NOLC1: variants seen among roughly 807,000 people sequenced by gnomAD.
NOLC1 encodes the protein nucleolar and coiled-body phosphoprotein 1, also known as 140 kDa nucleolar phosphoprotein.
NOLC1 carries 37 observed loss-of-function variants against 73.4 expected under a neutral mutation model. The observed-to-expected ratio is 0.50, with a 90% CI of 0.39 to 0.66. The LOEUF is 0.66. NOLC1 is among the 30% of genes least tolerant of loss of function. The pLI, the probability that NOLC1 is intolerant of heterozygous loss-of-function variation, is 0.00. For synonymous variants in NOLC1, 327 were observed against 302.6 expected, an observed-to-expected ratio of 1.08 and a Z score of -0.84; for missense variants, 921 against 838.9, an observed-to-expected ratio of 1.10 and a Z score of -1.21.
rs1564971077 is a variant in NOLC1 at position 102,160,229 on chromosome 10, T to G, written c.989-4T>G. On this transcript the variant is annotated splice_region_variant and splice_polypyrimidine_tract_variant and intron_variant, in intron 8 of 12. Coordinates refer to ENST00000605788, the MANE Select transcript of NOLC1 (RefSeq NM_004741.5). ...CCCAGCATAATGCTACAGGTTCTCCTCAGATTCAAGTTCTGAAGAAGAGAA... is the reference window on the plus strand; with the variant it reads ...CCCAGCATAATGCTACAGGTTCTCCGCAGATTCAAGTTCTGAAGAAGAGAA... The G allele has an allele frequency of 6.2e-7, 1 of 1,613,574 alleles. No homozygotes were observed. Among genetic ancestry groups the G allele is most frequent in the Non-Finnish European group, 8.5e-7 (1 of 1,179,494 alleles).
intron 4 of NOLC1, 34 bp downstream of exon 4, chr10:102,157,589 G>A (rs760372465): frequency 2.4e-5 from 39 of 1,601,308 alleles, no homozygotes; most frequent in Admixed American, 1.2e-4. Flanking sequence ...GGGGTTTAAG[G>A]ATTAGAAAGG....
chr10:102,161,571 G>A lies in NOLC1; in HGVS notation c.1757G>A (p.Arg586Gln), dbSNP rs776908349. ...VVSKSGSLKK[R>Q]KQNEAAKEAE... is the part of the protein sequence containing the mutation. The stretch of plus-strand genomic sequence containing the variant: ...TGTTTTGTAGGTTCATTAAAGAAGC[G>A]GAAGCAGAATGAGGCTGCCAAGGAG... Residue 586 changes from arginine (R) to glutamine (Q), a missense_variant, in exon 11 of 13, where the codon CGG (arginine) becomes CAG (glutamine). Coordinates refer to ENST00000605788, the MANE Select transcript of NOLC1 (RefSeq NM_004741.5). The A allele has an allele frequency of 2.4e-5, 38 of 1,613,600 alleles. No homozygotes were observed. Among genetic ancestry groups the A allele is most frequent in the Non-Finnish European group, 3.0e-5 (35 of 1,179,762 alleles).
In NOLC1 at chr10:102,162,105, T is replaced by TA; in HGVS notation, c.1942-5dup. Reference sequence around the variant, plus strand: ...CTCTGTGTTAATCTCCCTCTCTACTTACCAGCGAGGTGCAGCCGGAGACTG... The same window carrying TA: ...CTCTGTGTTAATCTCCCTCTCTACTTAACCAGCGAGGTGCAGCCGGAGACTG... On this transcript the variant is annotated splice_region_variant and splice_polypyrimidine_tract_variant and intron_variant, in intron 12 of 12. Coordinates refer to ENST00000605788, the MANE Select transcript of NOLC1 (RefSeq NM_004741.5). The TA allele has an allele frequency of 6.2e-7, 1 of 1,613,408 alleles. No homozygotes were observed. Among genetic ancestry groups the TA allele is most frequent in the Non-Finnish European group, 8.5e-7 (1 of 1,179,844 alleles).
At chr10:102,155,354 G>A (rs1385236858) in intron 1 of NOLC1, among the ~76,000 whole-genome samples, 2 of 151,248 alleles carry the variant, frequency 1.3e-5, no homozygotes, top group Non-Finnish European at 2.9e-5. Flanking sequence ...AATCCAACCT[G>A]GGCGACCAAG....
chr10:102,160,265 A>G lies in NOLC1; in HGVS notation c.1021A>G (p.Thr341Ala), dbSNP rs778467910. ...TTCTGAAGAAGAGAAGAAACCCCCA[A>G]CTAAGGCAGTAGTCTCTAAAGCAAC... ...SSSEEEKKPP[T>A]KAVVSKATTK... Residue 341 changes from threonine to alanine, a missense_variant, in exon 9 of 13, where the codon ACT (threonine) becomes GCT (alanine). Physicochemically the swap from Thr to Ala is moderately conservative, Grantham distance 58. Transcript: ENST00000605788. 6.2e-7 allele frequency: 1 copy of G among 1,614,172 alleles called. No homozygotes were observed. The highest frequency in any genetic ancestry group is 1.1e-5 in the South Asian group (1 of 91,086).
chr10:102,160,018 G>A lies in NOLC1; in HGVS notation c.982G>A (p.Glu328Lys), dbSNP rs1199510959. Reference protein sequence around the residue: ...PVESSEDSSDESDSSSEEEKK... With the variant: ...PVESSEDSSDKSDSSSEEEKK... The stretch of plus-strand genomic sequence containing the variant: ...GGAAAGCAGTGAAGACAGCAGTGAT[G>A]AGTCTGGTGAGTCAGAGGGATGCAG... The change falls in exon 8 of 13, where the codon GAG becomes AAG. Residue 328 changes from glutamate to lysine, a missense_variant. Transcript: ENST00000605788. 6.2e-7 allele frequency: 1 copy of A among 1,612,626 alleles called. No homozygotes were observed. Among genetic ancestry groups the A allele is most frequent in the South Asian group, 1.1e-5 (1 of 90,766 alleles).
intron 3 of NOLC1, 26 bp downstream of exon 3, chr10:102,157,354 G>C (rs771426415): frequency 6.2e-7 from 1 of 1,613,436 alleles, no homozygotes; most frequent in Admixed American, 1.7e-5. Flanking sequence ...AGGTGGGCTT[G>C]GTGGTGCCAG....
Position 102,157,244 on chromosome 10 carries a change from G to T in NOLC1, c.232G>T (p.Ala78Ser). The T allele has an allele frequency of 6.2e-7, 1 of 1,614,200 alleles. No homozygotes were observed. The highest frequency in any genetic ancestry group is 1.1e-5 in the South Asian group (1 of 91,082). Reference sequence around the variant, plus strand: ...GGCAAATGGACCAGTGGCTAAGAAAGCTAAGAAGAAGGCCTCATCCAGTGA... The same window carrying T: ...GGCAAATGGACCAGTGGCTAAGAAATCTAAGAAGAAGGCCTCATCCAGTGA... ...LQANGPVAKK[A>S]KKKASSSDSE... Residue 78 changes from alanine to serine, a missense_variant, in exon 3 of 13, where the codon GCT (alanine) becomes TCT (serine). Coordinates refer to ENST00000605788, the MANE Select transcript of NOLC1 (RefSeq NM_004741.5).
chr10:102,162,952 G>A lies in NOLC1; in HGVS notation c.*683G>A, dbSNP rs956154462. The A allele has an allele frequency of 9.9e-5, 15 of 152,176 alleles. No homozygotes were observed. Among genetic ancestry groups the A allele is most frequent in the African/African-American group, 3.6e-4 (15 of 41,460 alleles). 9.4% of individuals were successfully genotyped at this position (152,176 alleles called of 1,614,324 possible). A position where few individuals can be genotyped will look rare whatever the true frequency, so the allele number is the denominator to read the frequency against. ...TGGCGTGAATGCCATGGGTCATTCT[G>A]AATATATTTTTTTCTGTAATTTTAT... On this transcript the variant is annotated 3_prime_UTR_variant, in exon 13 of 13. Coordinates refer to ENST00000605788, the MANE Select transcript of NOLC1 (RefSeq NM_004741.5).
At chr10:102,154,915 A>G (rs1481737189) in intron 1 of NOLC1, among the ~76,000 whole-genome samples, 1 of 151,350 alleles carries the variant, frequency 6.6e-6, no homozygotes, top group Non-Finnish European at 1.5e-5. Flanking sequence ...GAGTAAAGTG[A>G]TGCAATCATA....
At chr10:102,162,001 G>C in intron 12 of NOLC1, 76 bp downstream of exon 12, 1 of 1,602,650 alleles carries the variant, frequency 6.2e-7, no homozygotes, top group Non-Finnish European at 8.5e-7. Context: ...GTTCAGGTTG[G>C]TGGGAATCTT....
In NOLC1 at chr10:102,159,328, T is replaced by C; in HGVS notation, c.723+20T>C. On this transcript the variant is annotated intron_variant, in intron 6 of 12. Coordinates refer to ENST00000605788, the MANE Select transcript of NOLC1 (RefSeq NM_004741.5). ...AAGAAGGTCTGGACCATAACTTCTG[T>C]CAGGGCAGAGGTGACCAGGGTGTGA... 1.9e-6 allele frequency: 3 copies of C among 1,614,024 alleles called. No individual in the cohort carries two copies. In the South Asian group the frequency reaches 3.3e-5, roughly 18 times the overall value.
intron 1 of NOLC1, among the ~76,000 whole-genome samples, chr10:102,155,214 G>A (rs193024014): frequency 3.3e-5 from 5 of 151,440 alleles, no homozygotes; most frequent in African/African-American, 7.3e-5. Context: ...TAGTAGAGAC[G>A]GGGTTTCTCC....
chr10:102,161,793 G>T lies in NOLC1; in HGVS notation c.1849-40G>T. 1.9e-6 allele frequency: 3 copies of T among 1,593,426 alleles called. No individual in the cohort carries two copies. The South Asian group carries it at 3.3e-5, about 18-fold the overall frequency. ...GTATCACTCAGGAGAACTGTTACAT[G>T]ACCACTCTGTCTTTAATTTCCTACT... On this transcript the variant is annotated intron_variant, in intron 11 of 12. Transcript: ENST00000605788.
Position 102,161,855 on chromosome 10 carries a change from C to T in NOLC1, c.1871C>T (p.Pro624Leu). 4 of 1,614,134 alleles carry T rather than the reference C, an allele frequency of 2.5e-6. No homozygotes were observed. Among genetic ancestry groups the T allele is most frequent in the Non-Finnish European group, 3.4e-6 (4 of 1,179,998 alleles). The change falls in exon 12 of 13, where the codon CCA (proline) becomes CTA (leucine). Residue 624 changes from proline (P) to leucine (L), a missense_variant. Coordinates refer to ENST00000605788, the MANE Select transcript of NOLC1 (RefSeq NM_004741.5). Reference protein sequence around the residue: ...RKKGEKRASSPFRRVREEEIE... With the variant: ...RKKGEKRASSLFRRVREEEIE... ...TAGGGAGAAAAAAGGGCATCATCCC[C>T]ATTCCGAAGGGTCAGGGAGGAGGAA...
chr10:102,154,910 A>G (rs997600934), intron 1 of NOLC1, among the ~76,000 whole-genome samples: 2 of 151,514 alleles, frequency 1.3e-5, no homozygotes, highest in African/African-American at 4.9e-5. Context: ...GGCTGGAGTA[A>G]AGTGATGCAA....
At position 102,160,855 on chromosome 10, in the gene NOLC1, A is replaced by G. The variant is rs201647461; in HGVS notation, c.1503A>G (p.Ala501=). Residue 501 remains alanine, a synonymous_variant, in exon 10 of 13, where the codon GCA becomes GCG. Coordinates refer to ENST00000605788, the MANE Select transcript of NOLC1 (RefSeq NM_004741.5). ...KKKPQKVAGG[A]APSKPASAKK... ...AGCCACAGAAGGTAGCAGGAGGTGC[A>G]GCCCCTTCCAAGCCAGCCTCTGCAA... 1.4e-5 allele frequency: 23 copies of G among 1,614,184 alleles called. No homozygotes were observed. In the East Asian group the frequency reaches 4.7e-4, roughly 33 times the overall value.
chr10:102,155,242 C>T (rs910623666), intron 1 of NOLC1, among the ~76,000 whole-genome samples: 4 of 151,660 alleles, frequency 2.6e-5, no homozygotes, highest in Non-Finnish European at 4.4e-5. Flanking sequence ...TCAGGCTGGT[C>T]TCGAACTCCC....
chr10:102,161,077 G>C lies in NOLC1; in HGVS notation c.1725G>C (p.Val575=). ...EEEEEKKKAA[V]VVSKSGSLKK... is the part of the protein sequence containing the mutation. ...AAGAAGAAAAGAAAAAGGCGGCAGT[G>C]GTAGTTTCCAAATCAGGTCTGTACC... The change falls in exon 10 of 13, where the codon GTG becomes GTC. Residue 575 remains valine (V), a synonymous_variant. Coordinates refer to ENST00000605788, the MANE Select transcript of NOLC1 (RefSeq NM_004741.5). 1 of 1,607,850 alleles carries C rather than the reference G, an allele frequency of 6.2e-7. No homozygotes were observed. The highest frequency in any genetic ancestry group is 8.5e-7 in the Non-Finnish European group (1 of 1,178,926).
Sources: allele counts gnomAD v4.1 joint callset (sites outside exome capture counted in the v4.1 genomes callset), GRCh38; gene constraint gnomAD v4.1.1; transcripts MANE v1.5; gene names NCBI Gene and HGNC (gene_info 2026-07-23, HGNC 2026-07-21).